ANKRD52: variants seen among roughly 807,000 people sequenced by gnomAD.
ANKRD52 encodes the protein serine/threonine-protein phosphatase 6 regulatory ankyrin repeat subunit C.
Under a neutral mutation model 116.0 loss-of-function variants are expected in ANKRD52, and 7 were observed. The observed-to-expected ratio is 0.06, with a 90% CI of 0.03 to 0.11. ANKRD52 has a LOEUF of 0.11. Ranked by LOEUF, ANKRD52 falls within the 10% of genes least tolerant of loss-of-function variation. ANKRD52 has a pLI of 1.00. For synonymous variants in ANKRD52, 528 were observed against 578.1 expected (o/e 0.91, Z 1.24); for missense variants, 839 against 1,408.6 (o/e 0.60, Z 6.47).
At position 56,248,448 on chromosome 12, in the gene ANKRD52, G is replaced by C. The variant is rs773724219; in HGVS notation, c.1776+47C>G. On this transcript the variant is annotated intron_variant, in intron 17 of 27. Transcript: ENST00000267116. This position sits in a 1 kb window ranked among gnomAD's most constrained non-coding sequence, Gnocchi z 5.1. ...TGCTGGCACCTTTGTTAGGGCCTGG[G>C]AACAGGTAGGACAAGGAAGGCAACA... 1 of 1,549,722 alleles carries C rather than the reference G, an allele frequency of 6.5e-7. No homozygotes were observed. Among genetic ancestry groups the C allele is most frequent in the Non-Finnish European group, 8.8e-7 (1 of 1,139,856 alleles).
intron 1 of ANKRD52, 67 bp from the exon 2 acceptor site, chr12:56,257,978 TG>T: frequency 3.5e-5 from 8 of 227,648 alleles, no homozygotes; most frequent in Non-Finnish European, 5.3e-5. Flanking sequence ...GGGGTGGGGG[TG>T]GGGGAGCACC....
At position 56,247,568 on chromosome 12, in the gene ANKRD52, A is replaced by G. The variant is rs1364529096; in HGVS notation, c.2109T>C (p.Cys703=). 6.3e-7 allele frequency: 1 copy of G among 1,596,236 alleles called. No homozygotes were observed. The highest frequency in any genetic ancestry group is 8.5e-7 in the Non-Finnish European group (1 of 1,170,886). ...ATCCTTTCTCTAGCAGCAGATGTACACAGTCCACATGGCCATTCATGATGG... is the reference window on the plus strand; with the variant it reads ...ATCCTTTCTCTAGCAGCAGATGTACGCAGTCCACATGGCCATTCATGATGG... ...MLAIMNGHVD[C]VHLLLEKGST... is the part of the protein sequence containing the mutation. The change falls in exon 20 of 28, where the codon TGT becomes TGC. Residue 703 remains cysteine, a synonymous_variant. Transcript: ENST00000267116.
In ANKRD52 at chr12:56,258,336, G is replaced by A. The variant is rs984518144; in HGVS notation, c.-67C>T. On this transcript the variant is annotated 5_prime_UTR_variant, in exon 1 of 28. Transcript: ENST00000267116. ...GCGGCGGCGGCTCCACCGGGGACAC[G>A]GAGCGGCCCAGGCGGCGGCTGCGGT... 7.5e-6 allele frequency: 11 copies of A among 1,467,884 alleles called. No homozygotes were observed. The Admixed American group carries it at 2.0e-4, about 27-fold the overall frequency. 90.9% of individuals were successfully genotyped at this position (1,467,884 alleles called of 1,614,324 possible).
At chr12:56,250,643 G>A (rs1290548185) in intron 15 of ANKRD52, among the ~76,000 whole-genome samples, 1 of 150,966 alleles carries the variant, frequency 6.6e-6, no homozygotes, top group Non-Finnish European at 1.5e-5. Flanking sequence ...CAGCACTTTG[G>A]GAGTCTGAGG....
Position 56,243,431 on chromosome 12 carries a change from G to C in ANKRD52, c.2981-39C>G, listed in dbSNP as rs1424288005. On this transcript the variant is annotated intron_variant, in intron 27 of 27. Transcript: ENST00000267116. This position sits in a 1 kb window ranked among gnomAD's most constrained non-coding sequence, Gnocchi z 4.6. ...GGGGAGAACTGAGGCATAGAGTCCT[G>C]TATCCTAGCCAGCCTCCCCCAAGCC... The C allele has an allele frequency of 6.9e-6, 11 of 1,596,532 alleles. No homozygotes were observed. In the African/African-American group the frequency reaches 1.3e-4, roughly 19 times the overall value.
Position 56,244,670 on chromosome 12 carries a change from C to T in ANKRD52, c.2704G>A (p.Gly902Arg), listed in dbSNP as rs1173255809. ...TACACACCCACAGCAGCGGTCTGCC[C>T]GTTCTCAGCCGCCGTCATGAGCGCA... ...RTALMTAAEN[G>R]QTAAVEFLLY... is the part of the protein sequence containing the mutation. Residue 902 changes from glycine to arginine, a missense_variant, in exon 24 of 28, where the codon GGG (glycine) becomes AGG (arginine). Physicochemically the swap from Gly to Arg is moderately radical, Grantham distance 125 (BLOSUM62 -2). Around this residue, in one of 2 missense-constraint regions of ANKRD52, gnomAD observed 552 missense variants for 810.6 expected, o/e 0.68. Transcript: ENST00000267116. The surrounding 1 kb of genome is among the most constrained non-coding windows in gnomAD (Gnocchi z 4.9). 2 of 1,613,856 alleles carry T rather than the reference C, an allele frequency of 1.2e-6. No individual in the cohort carries two copies. Among genetic ancestry groups the T allele is most frequent in the Non-Finnish European group, 1.7e-6 (2 of 1,179,900 alleles).
Position 56,258,336 on chromosome 12 carries a change from G to C in ANKRD52, c.-67C>G, listed in dbSNP as rs984518144. The C allele has an allele frequency of 6.8e-7, 1 of 1,467,882 alleles. No individual in the cohort carries two copies. The highest frequency in any genetic ancestry group is 1.5e-5 in the African/African-American group (1 of 67,696). The allele number at this position is 1,467,882 out of a possible 1,614,324, so 90.9% of individuals were successfully genotyped here. On this transcript the variant is annotated 5_prime_UTR_variant, in exon 1 of 28. Transcript: ENST00000267116. ...GCGGCGGCGGCTCCACCGGGGACAC[G>C]GAGCGGCCCAGGCGGCGGCTGCGGT...
In ANKRD52 at chr12:56,238,823, G is replaced by A; in HGVS notation, c.*4319C>T. 6.5e-6 allele frequency: 1 copy of A among 153,088 alleles called. No individual in the cohort carries two copies. Among genetic ancestry groups the A allele is most frequent in the Non-Finnish European group, 1.5e-5 (1 of 68,444 alleles). 9.5% of individuals were successfully genotyped at this position (153,088 alleles called of 1,614,324 possible). A position where few individuals can be genotyped will look rare whatever the true frequency, so the allele number is the denominator to read the frequency against. On this transcript the variant is annotated 3_prime_UTR_variant, in exon 28 of 28. Transcript: ENST00000267116. Reference sequence around the variant, plus strand: ...GAGATTGTCCAGGGTGGGAGCGGAGGCAGCGGGGGAAGAAGACTGGAAGCA... The same window carrying A: ...GAGATTGTCCAGGGTGGGAGCGGAGACAGCGGGGGAAGAAGACTGGAAGCA...
rs1871839203 is a variant in ANKRD52, at chr12:56,254,272, T to C, written c.701A>G (p.Glu234Gly). 1.2e-6 allele frequency: 2 copies of C among 1,613,662 alleles called. No homozygotes were observed. The highest frequency in any genetic ancestry group is 2.7e-5 in the African/African-American group (2 of 75,036). The change falls in exon 8 of 28, where the codon GAA (glutamate) becomes GGA (glycine). Residue 234 changes from glutamate (E) to glycine (G), a missense_variant. Physicochemically the swap from Glu to Gly is moderately conservative, Grantham distance 98. This residue lies in a region of ANKRD52 where 287 missense variants were observed against 598.1 expected (regional missense o/e 0.48). Transcript: ENST00000267116. This position sits in a 1 kb window ranked among gnomAD's most constrained non-coding sequence, Gnocchi z 4.6. The stretch of plus-strand genomic sequence containing the variant: ...AGCTGTGTTTCCAAAAGCATTGGGT[T>C]CATCGATCTGGATATTCAGGGGTGA... ...YLLRMGAEID[E>G]PNAFGNTALH...
rs71459349 is a variant in ANKRD52, at chr12:56,255,840, C to A, written c.406G>T (p.Ala136Ser). 1 of 1,580,288 alleles carries A rather than the reference C, an allele frequency of 6.3e-7. No homozygotes were observed. Among genetic ancestry groups the A allele is most frequent in the Non-Finnish European group, 8.6e-7 (1 of 1,163,082 alleles). The change falls in exon 5 of 28, where the codon GCT (alanine) becomes TCT (serine). Residue 136 changes from alanine to serine, a missense_variant. Physicochemically the swap from Ala to Ser is moderately conservative, Grantham distance 99 (BLOSUM62 1). This residue lies in a region of ANKRD52 where 287 missense variants were observed against 598.1 expected (regional missense o/e 0.48). Coordinates refer to ENST00000267116, the MANE Select transcript of ANKRD52 (RefSeq NM_173595.4). This position sits in a 1 kb window ranked among gnomAD's most constrained non-coding sequence, Gnocchi z 4.3. ...LAPLLSSLNVADRSGRSALHH... is the reference protein window; with the variant it reads ...LAPLLSSLNVSDRSGRSALHH... ...AGAGCACTGCGCCCGCTCCTGTCAGCCACGTTGAGGCTGCTCAACAGGGGT... is the reference window on the plus strand; with the variant it reads ...AGAGCACTGCGCCCGCTCCTGTCAGACACGTTGAGGCTGCTCAACAGGGGT...
In ANKRD52 at chr12:56,248,892, G is replaced by A; in HGVS notation, c.1593-22C>T. The A allele has an allele frequency of 1.3e-6, 2 of 1,535,540 alleles. No homozygotes were observed. Among genetic ancestry groups the A allele is most frequent in the Middle Eastern group, 1.7e-4 (1 of 5,902 alleles). Reference sequence around the variant, plus strand: ...ACAGCTGGGGAGCCGGGGGTAGACTGTGAGGCAGGGACAGGCCCAGCCCAG... The same window carrying A: ...ACAGCTGGGGAGCCGGGGGTAGACTATGAGGCAGGGACAGGCCCAGCCCAG... On this transcript the variant is annotated intron_variant, in intron 15 of 27. Transcript: ENST00000267116. This position sits in a 1 kb window ranked among gnomAD's most constrained non-coding sequence, Gnocchi z 5.1.
chr12:56,246,919 CAATAATAATAATAA>C (rs1454509726), intron 20 of ANKRD52, among the ~76,000 whole-genome samples: 2 of 125,502 alleles, frequency 1.6e-5, no homozygotes, highest in Non-Finnish European at 3.3e-5. Flanking sequence ...GACTCTATCT[CAATAATAATAATAA>C]TAATAATAAT....
chr12:56,254,893 C>T lies in ANKRD52; in HGVS notation c.522G>A (p.Arg174=). The T allele has an allele frequency of 6.2e-7, 1 of 1,613,618 alleles. No homozygotes were observed. Among genetic ancestry groups the T allele is most frequent in the Non-Finnish European group, 8.5e-7 (1 of 1,179,532 alleles). Residue 174 remains arginine (R), a synonymous_variant, in exon 6 of 28, where the codon CGG becomes CGA. Coordinates refer to ENST00000267116, the MANE Select transcript of ANKRD52 (RefSeq NM_173595.4). This position sits in a 1 kb window ranked among gnomAD's most constrained non-coding sequence, Gnocchi z 4.6. ...GAAAAGCTGCCCAATGCAGAGGCTG[C>T]CGCTCCTTTTTGTCACAGACATTCA... ...ASLNVCDKKE[R]QPLHWAAFLG... is the part of the protein sequence containing the mutation.
In ANKRD52 at chr12:56,254,024, A is replaced by G; in HGVS notation, c.906+43T>C. 1 of 1,575,394 alleles carries G rather than the reference A, an allele frequency of 6.3e-7. No homozygotes were observed. Among genetic ancestry groups the G allele is most frequent in the Non-Finnish European group, 8.7e-7 (1 of 1,146,860 alleles). ...AGATACAGTCAGGACCCCTAGATCC[A>G]AGTTTCGCTCCCCACTGGTCTAAGC... is the stretch of plus-strand genomic sequence containing the variant. On this transcript the variant is annotated intron_variant, in intron 8 of 27. Transcript: ENST00000267116. The surrounding 1 kb of genome is among the most constrained non-coding windows in gnomAD (Gnocchi z 4.6).
At chr12:56,250,480 G>T (rs1871635823) in intron 15 of ANKRD52, among the ~76,000 whole-genome samples, 1 of 151,170 alleles carries the variant, frequency 6.6e-6, no homozygotes, top group South Asian at 2.1e-4. Flanking sequence ...GGGTTTGCAT[G>T]ATCCTCTTGC....
rs955086743 is a variant in ANKRD52 at position 56,238,745 on chromosome 12, C to A, written c.*4397G>T. On this transcript the variant is annotated 3_prime_UTR_variant, in exon 28 of 28. Coordinates refer to ENST00000267116, the MANE Select transcript of ANKRD52 (RefSeq NM_173595.4). ...CCACTCAAGCCAGAACCCACCCCCACCCCCCAAACACACATACAAAGCTGA... is the reference window on the plus strand; with the variant it reads ...CCACTCAAGCCAGAACCCACCCCCAACCCCCAAACACACATACAAAGCTGA... 1.3e-5 allele frequency: 2 copies of A among 152,434 alleles called. No individual in the cohort carries two copies. The highest frequency in any genetic ancestry group is 4.8e-5 in the African/African-American group (2 of 41,406). 9.4% of individuals were successfully genotyped at this position (152,434 alleles called of 1,614,324 possible).
intron 15 of ANKRD52, among the ~76,000 whole-genome samples, 181 bp downstream of exon 15, chr12:56,251,834 A>G (rs1046615740): frequency 4.0e-5 from 6 of 151,578 alleles, no homozygotes; most frequent in South Asian, 2.1e-4. Flanking sequence ...CTGAGCTTCA[A>G]TCTCATACTT....
At position 56,253,097 on chromosome 12, in the gene ANKRD52, G is replaced by A. The variant is rs764659924; in HGVS notation, c.1101-11C>T. Reference sequence around the variant, plus strand: ...TCATGGATGCCACGCCTAGAGAGAAGTTGAGGGACTCAGTCCTTGGGTCAA... The same window carrying A: ...TCATGGATGCCACGCCTAGAGAGAAATTGAGGGACTCAGTCCTTGGGTCAA... On this transcript the variant is annotated splice_polypyrimidine_tract_variant and intron_variant, in intron 10 of 27. Transcript: ENST00000267116. The surrounding 1 kb of genome is among the most constrained non-coding windows in gnomAD (Gnocchi z 5.5). 6 of 1,561,184 alleles carry A rather than the reference G, an allele frequency of 3.8e-6. No homozygotes were observed. Among genetic ancestry groups the A allele is most frequent in the Non-Finnish European group, 5.2e-6 (6 of 1,153,796 alleles).
chr12:56,256,718 A>T (rs1023965377), intron 4 of ANKRD52, among the ~76,000 whole-genome samples: 7 of 152,234 alleles, frequency 4.6e-5, no homozygotes, highest in Non-Finnish European at 7.3e-5. Context: ...CAGTGCCCAG[A>T]GGGGGATCAG....
Sources: gnomAD v4.1 joint callset for allele counts (sites outside exome capture counted in the v4.1 genomes callset) on GRCh38, gnomAD v4.1.1 for gene constraint, gnomAD v4.1.1 regional missense constraint, Gnocchi (gnomAD v3.1) non-coding constraint, MANE v1.5 for transcripts, NCBI Gene and HGNC (gene_info 2026-07-23, HGNC 2026-07-21) for gene names.